AQR: variants seen among roughly 807,000 people sequenced by gnomAD.
AQR encodes the protein aquarius intron-binding spliceosomal factor, also known as RNA helicase aquarius.
Under a neutral mutation model 180.5 loss-of-function variants are expected in AQR, and 61 were observed. The observed-to-expected ratio is 0.34, with a 90% CI of 0.28 to 0.42. The LOEUF (loss-of-function observed/expected upper bound fraction) is 0.42, where lower values mean the gene tolerates loss of function less well. Among genes scored for constraint, AQR ranks in the 10% least tolerant of loss-of-function variants. AQR has a pLI of 1.00. For synonymous variants in AQR, 551 were observed against 588.8 expected, an observed-to-expected ratio of 0.94 and a Z score of 0.93; for missense variants, 1,281 against 1,798.3, an observed-to-expected ratio of 0.71 and a Z score of 5.20.
chr15:34,947,513 A>AAT lies in AQR; in HGVS notation c.330+750_330+751insAT, dbSNP rs1555426503. ...AACACCCAAGAATGATCAATAAAAAAAATAATAATAATAATAATAATAATA... is the reference window on the plus strand; with the variant it reads ...AACACCCAAGAATGATCAATAAAAAAATAATAATAATAATAATAATAATAATA... On this transcript the variant is annotated intron_variant, in intron 5 of 34. Transcript: ENST00000156471. 2.7e-3 allele frequency among the ~76,000 whole-genome samples: 395 copies of AAT among 145,214 alleles called. 2 individuals are homozygous for AAT. The highest frequency in any genetic ancestry group is 7.6e-3 in the African/African-American group (304 of 40,110).
intron 24 of AQR, among the ~76,000 whole-genome samples, chr15:34,888,615 T>C (rs1332205764): frequency 6.6e-6 from 1 of 151,972 alleles, no homozygotes; most frequent in African/African-American, 2.4e-5. Context: ...GAGAATTGCT[T>C]GAACCCAGGA....
intron 23 of AQR, among the ~76,000 whole-genome samples, chr15:34,891,062 T>C (rs1225117513): frequency 6.6e-6 from 1 of 152,168 alleles, no homozygotes; most frequent in Non-Finnish European, 1.5e-5. Context: ...CAACCCTGCC[T>C]GTGAAGTCAG....
At chr15:34,939,258 G>T (rs1294582492) in intron 8 of AQR, among the ~76,000 whole-genome samples, 1 of 152,048 alleles carries the variant, frequency 6.6e-6, no homozygotes, top group African/African-American at 2.4e-5. Flanking sequence ...CAGTAGAGAT[G>T]CGGTTCCACC....
intron 24 of AQR, among the ~76,000 whole-genome samples, chr15:34,887,239 T>A (rs1893076224): frequency 6.6e-6 from 1 of 152,168 alleles, no homozygotes; most frequent in African/African-American, 2.4e-5. Flanking sequence ...ATACACCATT[T>A]AGTTCAGCTC....
chr15:34,958,064 C>T (rs1167182378), intron 3 of AQR, among the ~76,000 whole-genome samples: 1 of 151,840 alleles, frequency 6.6e-6, no homozygotes, highest in Non-Finnish European at 1.5e-5. Flanking sequence ...AAAAATTAGC[C>T]GGGCGTGGTG....
chr15:34,894,473 T>G (rs1233641442), intron 22 of AQR, among the ~76,000 whole-genome samples: 2 of 152,142 alleles, frequency 1.3e-5, no homozygotes, highest in Non-Finnish European at 2.9e-5. Context: ...TCATATCTAG[T>G]AGACATGTTA....
chr15:34,870,971 A>AT, intron 30 of AQR, 49 bp from the exon 31 acceptor site: 1 of 1,564,118 alleles, frequency 6.4e-7, no homozygotes, highest in Non-Finnish European at 8.7e-7. Flanking sequence ...TTTTGTTTCA[A>AT]TTTTATAGAG....
intron 4 of AQR, among the ~76,000 whole-genome samples, chr15:34,950,507 A>T (rs899223552): frequency 2.6e-5 from 4 of 151,916 alleles, no homozygotes; most frequent in Admixed American, 2.0e-4. Flanking sequence ...TATTTTGCTA[A>T]TTGAGTTTTT....
intron 6 of AQR, chr15:34,943,113 T>C (rs1894052135): frequency 6.2e-7 from 1 of 1,611,862 alleles, no homozygotes; most frequent in Non-Finnish European, 8.5e-7. Context: ...CCGGACTTTC[T>C]GTAAGAAGTG....
Position 34,932,502 on chromosome 15 carries a change from G to T in AQR, c.784-68C>A, listed in dbSNP as rs11858780. The T allele has an allele frequency of 1.1e-4, 124 of 1,115,930 alleles. No individual in the cohort carries two copies. In the African/African-American group the frequency reaches 1.8e-3, roughly 17 times the overall value. 69.1% of individuals were successfully genotyped at this position (1,115,930 alleles called of 1,614,324 possible). On this transcript the variant is annotated intron_variant, in intron 10 of 34. Transcript: ENST00000156471. The stretch of plus-strand genomic sequence containing the variant: ...TCCACAGCTAGAAGTGAAATCTAGT[G>T]ATATTTAACTCTCAAGTATTAATCA...
At chr15:34,886,463 TC>T (rs1171125065) in intron 25 of AQR, 62 bp downstream of exon 25, 49 of 1,520,278 alleles carry the variant, frequency 3.2e-5, no homozygotes, top group African/African-American at 4.2e-5. Flanking sequence ...AAGAACTCAT[TC>T]CAGCTTCCAA....
Position 34,853,795 on chromosome 15 carries a change from G to C in AQR, c.*2997C>G, listed in dbSNP as rs1183364414. Reference sequence around the variant, plus strand: ...AACTCTCCTGTCCCAAATCCAAACAGATCTTTTTCCTTTATTTACAGATAA... The same window carrying C: ...AACTCTCCTGTCCCAAATCCAAACACATCTTTTTCCTTTATTTACAGATAA... On this transcript the variant is annotated 3_prime_UTR_variant, in exon 35 of 35. Transcript: ENST00000156471. 6 of 152,156 alleles carry C rather than the reference G, an allele frequency of 3.9e-5. No homozygotes were observed. Among genetic ancestry groups the C allele is most frequent in the Non-Finnish European group, 7.4e-5 (5 of 68,024 alleles). 9.4% of individuals were successfully genotyped at this position (152,156 alleles called of 1,614,324 possible). A position where few individuals can be genotyped will look rare whatever the true frequency, so the allele number is the denominator to read the frequency against.
At chr15:34,906,016 A>G (rs1284430883) in intron 18 of AQR, among the ~76,000 whole-genome samples, 3 of 152,118 alleles carry the variant, frequency 2.0e-5, no homozygotes, top group African/African-American at 7.2e-5. Flanking sequence ...CCTGGTTGAC[A>G]GAGCAAAACT....
chr15:34,883,358 A>C (rs577150662), intron 26 of AQR, among the ~76,000 whole-genome samples: 1 of 152,268 alleles, frequency 6.6e-6, no homozygotes, highest in South Asian at 2.1e-4. Flanking sequence ...AAAAACAAAA[A>C]ACATTTGTTT....
At position 34,956,017 on chromosome 15, in the gene AQR, T is replaced by C. The variant is rs369234541; in HGVS notation, c.174-3097A>G. The stretch of plus-strand genomic sequence containing the variant: ...CAAAATTATAGTGTTCTTGTTTGCA[T>C]ACTTACATATTATAATGATAAAAAA... On this transcript the variant is annotated intron_variant, in intron 3 of 34. Transcript: ENST00000156471. 3.8e-4 allele frequency among the ~76,000 whole-genome samples: 58 copies of C among 152,100 alleles called. No homozygotes were observed. The South Asian group carries it at 0.012, about 30-fold the overall frequency.
In AQR at chr15:34,882,445, G is replaced by C; in HGVS notation, c.3165+57C>G. 6 of 1,347,908 alleles carry C rather than the reference G, an allele frequency of 4.5e-6. No individual in the cohort carries two copies. In the South Asian group the frequency reaches 1.2e-4, roughly 27 times the overall value. The allele number at this position is 1,347,908 out of a possible 1,614,324, so 83.5% of individuals were successfully genotyped here. On this transcript the variant is annotated intron_variant, in intron 27 of 34. Transcript: ENST00000156471. ...TATAAATACGAACTTCATAAGAAGT[G>C]AGCCAATCTCTGATAATCTTAAAAA...
chr15:34,891,903 A>G (rs975118099), intron 23 of AQR, among the ~76,000 whole-genome samples: 3 of 152,160 alleles, frequency 2.0e-5, no homozygotes, highest in Non-Finnish European at 2.9e-5. Context: ...AGTATATTGG[A>G]TAAGTTTACT....
At chr15:34,961,608 A>C (rs1234262658) in intron 2 of AQR, among the ~76,000 whole-genome samples, 2 of 129,050 alleles carry the variant, frequency 1.5e-5, no homozygotes, top group Non-Finnish European at 3.2e-5. Context: ...GCGAGACTCC[A>C]TCTCAAAAAA....
chr15:34,897,537 T>C, intron 21 of AQR, 22 bp downstream of exon 21: 1 of 1,611,520 alleles, frequency 6.2e-7, no homozygotes, highest in Non-Finnish European at 8.5e-7. Context: ...ATCATTACAA[T>C]TATAATAGGT....
Sources: gnomAD v4.1 joint callset for allele counts (sites outside exome capture counted in the v4.1 genomes callset) on GRCh38, gnomAD v4.1.1 for gene constraint, MANE v1.5 for transcripts, NCBI Gene and HGNC (gene_info 2026-07-23, HGNC 2026-07-21) for gene names.